The following CHD8 variants were observed in gnomAD, a reference collection of about 807,000 sequenced individuals.
The protein encoded by CHD8 is ATP-dependent chromatin remodeler CHD8.
CHD8 carries 31 observed loss-of-function variants against 279.2 expected under a neutral mutation model. The ratio of observed to expected loss-of-function variants is 0.11; its 90% CI spans 0.08 to 0.15. The LOEUF is 0.15. Among genes scored for constraint, CHD8 ranks in the 10% least tolerant of loss-of-function variants. CHD8 has a pLI of 1.00. For synonymous variants in CHD8, 1,081 were observed against 1,139.6 expected (o/e 0.95, Z 1.04); for missense variants, 2,146 against 3,230.5 (o/e 0.66, Z 8.14).
intron 5 of CHD8, among the ~76,000 whole-genome samples, chr14:21,418,265 C>A (rs1888834554): frequency 6.6e-6 from 1 of 152,118 alleles, no homozygotes; most frequent in African/African-American, 2.4e-5. Flanking sequence ...CGCCTGTAAT[C>A]CCAGCACTTT....
intron 21 of CHD8, 71 bp from the exon 22 acceptor site, chr14:21,401,142 G>A: frequency 2.6e-6 from 3 of 1,144,140 alleles, no homozygotes; most frequent in Admixed American, 2.9e-5. Context: ...AGACAATTAG[G>A]GATTACAATA....
chr14:21,402,538 G>GATATTCCCTTGCTA lies in CHD8; in HGVS notation c.3715-36_3715-35insTAGCAAGGGAATAT, dbSNP rs1157112988. 2 of 1,542,132 alleles carry GATATTCCCTTGCTA rather than the reference G, an allele frequency of 1.3e-6. No individual in the cohort carries two copies. The highest frequency in any genetic ancestry group is 4.2e-5 in the Admixed American group (2 of 47,884). On this transcript the variant is annotated intron_variant, in intron 18 of 37. Coordinates refer to ENST00000646647, the MANE Select transcript of CHD8 (RefSeq NM_001170629.2). This position sits in a 1 kb window ranked among gnomAD's most constrained non-coding sequence, Gnocchi z 4.5. ...AATAAAAACGAAAGGAAAGGAGAAA[G>GATATTCCCTTGCTA]ATATCATAAAATTAGCAAGGGAAAG...
At chr14:21,414,679 T>A (rs1029678916) in intron 8 of CHD8, 1 of 595,804 alleles carries the variant, frequency 1.7e-6, no homozygotes, top group African/African-American at 1.9e-5. Context: ...AGTAGCAAGA[T>A]CTTAGTGCTA....
rs1369694963 is a variant in CHD8, at chr14:21,408,351, C to T, written c.2691G>A (p.Gln897=). 6.2e-7 allele frequency: 1 copy of T among 1,613,758 alleles called. No homozygotes were observed. The highest frequency in any genetic ancestry group is 1.7e-5 in the Admixed American group (1 of 59,998). Reference sequence around the variant, plus strand: ...AGTACATTTCATACTGTTGAATCATCTGCCTGCTGGCCAGACTGCCATGGT... The same window carrying T: ...AGTACATTTCATACTGTTGAATCATTTGCCTGCTGGCCAGACTGCCATGGT... The part of the protein sequence containing the change: ...IVYHGSLASR[Q]MIQQYEMYCK... Residue 897 remains glutamine, a synonymous_variant, in exon 13 of 38, where the codon CAG becomes CAA. Coordinates refer to ENST00000646647, the MANE Select transcript of CHD8 (RefSeq NM_001170629.2). This position sits in a 1 kb window ranked among gnomAD's most constrained non-coding sequence, Gnocchi z 4.3.
intron 7 of CHD8, 122 bp from the exon 8 acceptor site, chr14:21,415,115 G>A (rs1288976767): frequency 1.4e-6 from 1 of 690,320 alleles, no homozygotes; most frequent in Non-Finnish European, 2.4e-6. Flanking sequence ...ATAACTCAGA[G>A]ATTAAGGAAC....
intron 13 of CHD8, among the ~76,000 whole-genome samples, chr14:21,407,609 CTTTT>C (rs998106226): frequency 6.6e-6 from 1 of 150,884 alleles, no homozygotes; most frequent in Non-Finnish European, 1.5e-5. Flanking sequence ...GGAACTGATC[CTTTT>C]TTTTTCTTTT....
chr14:21,405,934 T>C lies in CHD8; in HGVS notation c.2908-70A>G, dbSNP rs965637030. On this transcript the variant is annotated intron_variant, in intron 14 of 37. Coordinates refer to ENST00000646647, the MANE Select transcript of CHD8 (RefSeq NM_001170629.2). This position sits in a 1 kb window ranked among gnomAD's most constrained non-coding sequence, Gnocchi z 4.2. ...GACTTCTGGGGTTTCCTATCAAGTA[T>C]ATAATCTTTAACATATATAACCTTT... 7.3e-6 allele frequency: 9 copies of C among 1,239,170 alleles called. No individual in the cohort carries two copies. Among genetic ancestry groups the C allele is most frequent in the African/African-American group, 6.1e-5 (4 of 65,454 alleles). The allele number at this position is 1,239,170 out of a possible 1,614,324, so 76.8% of individuals were successfully genotyped here. A position where few individuals can be genotyped will look rare whatever the true frequency, so the allele number is the denominator to read the frequency against.
chr14:21,415,081 T>C (rs1888656276), intron 7 of CHD8, 88 bp from the exon 8 acceptor site: 2 of 824,454 alleles, frequency 2.4e-6, no homozygotes, highest in Non-Finnish European at 4.0e-6. Context: ...CAGAACTTCA[T>C]ACCAATAATC....
rs767339333 is a variant in CHD8 at position 21,392,579 on chromosome 14, G to A, written c.6699C>T (p.Ser2233=). ...GTTTGGTGAACTGGGCTGCCGCTGT[G>A]CTGACTGCAGATGCTTCCTCCTCTG... ...SMAEEEASAV[S]TAAAQFTKLR... The change falls in exon 34 of 38, where the codon AGC becomes AGT. Residue 2233 remains serine, a synonymous_variant. Transcript: ENST00000646647. 6.2e-7 allele frequency: 1 copy of A among 1,613,722 alleles called. No individual in the cohort carries two copies. Among genetic ancestry groups the A allele is most frequent in the East Asian group, 2.2e-5 (1 of 44,888 alleles).
chr14:21,416,227 TTAGTGCAAAAA>T (rs1888716885), intron 5 of CHD8: 2 of 227,752 alleles, frequency 8.8e-6, no homozygotes, highest in Non-Finnish European at 8.4e-6. Context: ...AAGCAACCCG[TTAGTGCAAAAA>T]TGCAAGAAGA....
At chr14:21,407,286 T>C (rs551951185) in intron 13 of CHD8, among the ~76,000 whole-genome samples, 1 of 152,220 alleles carries the variant, frequency 6.6e-6, no homozygotes. Flanking sequence ...TTTTTTACTC[T>C]GCTGTATGCC....
At chr14:21,394,226 A>T in intron 31 of CHD8, 31 bp from the exon 32 acceptor site, 3 of 1,611,380 alleles carry the variant, frequency 1.9e-6, no homozygotes, top group Non-Finnish European at 2.5e-6. Context: ...AGAAATTAAC[A>T]GAGTTGCTTC....
At chr14:21,398,017 T>C (rs1887863131) in intron 26 of CHD8, 65 bp from the exon 27 acceptor site, 4 of 1,439,434 alleles carry the variant, frequency 2.8e-6, no homozygotes, top group Non-Finnish European at 3.8e-6. Context: ...TTACTTTATA[T>C]GCTGCTGGAA....
intron 5 of CHD8, among the ~76,000 whole-genome samples, chr14:21,420,294 C>G (rs899900454): frequency 6.6e-6 from 1 of 152,068 alleles, no homozygotes; most frequent in Non-Finnish European, 1.5e-5. Context: ...CTCTTCTAGC[C>G]CTGTGCTCTG....
At chr14:21,397,268 T>C (rs763509113) in intron 27 of CHD8, 9 of 507,468 alleles carry the variant, frequency 1.8e-5, no homozygotes, top group Non-Finnish European at 3.2e-5. Context: ...TGGGGAGGTA[T>C]TCATTAAGCC....
intron 21 of CHD8, 144 bp downstream of exon 21, chr14:21,401,259 T>A: frequency 1.3e-6 from 1 of 743,470 alleles, no homozygotes; most frequent in Admixed American, 3.1e-5. Flanking sequence ...TGGGGCCTCC[T>A]AGGTAGAAAG....
Position 21,402,395 on chromosome 14 carries a change from A to G in CHD8, c.3823T>C (p.Leu1275=). 1.2e-6 allele frequency: 2 copies of G among 1,613,964 alleles called. No individual in the cohort carries two copies. Among genetic ancestry groups the G allele is most frequent in the East Asian group, 2.2e-5 (1 of 44,876 alleles). ...TGAAGCACAGCCTTATCCAACCCCAACTTGAGGCTGGCCTTATCAAACATC... is the reference window on the plus strand; with the variant it reads ...TGAAGCACAGCCTTATCCAACCCCAGCTTGAGGCTGGCCTTATCAAACATC... ...REMFDKASLK[L]GLDKAVLQSM... The change falls in exon 19 of 38, where the codon TTG becomes CTG. Residue 1275 remains leucine, a synonymous_variant. Coordinates refer to ENST00000646647, the MANE Select transcript of CHD8 (RefSeq NM_001170629.2). This position sits in a 1 kb window ranked among gnomAD's most constrained non-coding sequence, Gnocchi z 4.5.
chr14:21,415,514 T>C (rs1452426944), intron 7 of CHD8, 60 bp downstream of exon 7: 1 of 893,212 alleles, frequency 1.1e-6, no homozygotes, highest in Non-Finnish European at 1.5e-6. Flanking sequence ...CAAAAATAAA[T>C]AAATAAATAA....
At chr14:21,434,703 A>C (rs1889707408) in intron 1 of CHD8, among the ~76,000 whole-genome samples, 1 of 152,134 alleles carries the variant, frequency 6.6e-6, no homozygotes, top group Non-Finnish European at 1.5e-5. Flanking sequence ...TCTCAGTCCC[A>C]TCATTCTCAC....
Sources: allele counts gnomAD v4.1 joint callset (sites outside exome capture counted in the v4.1 genomes callset), GRCh38; gene constraint gnomAD v4.1.1; non-coding constraint Gnocchi (gnomAD v3.1); transcripts MANE v1.5; gene names NCBI Gene and HGNC (gene_info 2026-07-23, HGNC 2026-07-21).